The following CHSY3 variants were observed in gnomAD, a reference collection of about 807,000 sequenced individuals.
CHSY3 encodes N-acetylgalactosaminyl-proteoglycan 3-beta-glucuronosyltransferase 3.
In CHSY3, 35 loss-of-function variants were observed where a neutral mutation model predicts 67.2. The observed-to-expected ratio is 0.52, with a 90% confidence interval of 0.40 to 0.69. CHSY3 has a LOEUF of 0.69. CHSY3 is among the 30% of genes least tolerant of loss of function. The pLI, the probability that CHSY3 is intolerant of heterozygous loss-of-function variation, is 0.00. For synonymous variants in CHSY3, 474 were observed against 434.7 expected, an observed-to-expected ratio of 1.09 and a Z score of -1.12; for missense variants, 1,069 against 1,138.5, an observed-to-expected ratio of 0.94 and a Z score of 0.88.
At chr5:130,120,590 C>T (rs1227527365) in intron 2 of CHSY3, among the ~76,000 whole-genome samples, 1 of 151,986 alleles carries the variant, frequency 6.6e-6, no homozygotes, top group African/African-American at 2.4e-5. Flanking sequence ...GACTGCATCC[C>T]CCAACTACCA....
In CHSY3 at chr5:130,100,350, A is replaced by ATT. The variant is rs3065055; in HGVS notation, c.1087-83862_1087-83861dup. ...CAGGTGCCCACCACCATGCTTGGCT[A>ATT]TTTTTTTTTTTTTTTTTTGTATTTT... On this transcript the variant is annotated intron_variant, in intron 2 of 2. Coordinates refer to ENST00000305031, the MANE Select transcript of CHSY3 (RefSeq NM_175856.5). Among the ~76,000 whole-genome samples, 277 of 131,676 alleles carry ATT rather than the reference A, an allele frequency of 2.1e-3. 3 individuals are homozygous for ATT. The highest frequency in any genetic ancestry group is 6.9e-3 in the African/African-American group (250 of 36,312). The allele number at this position is 131,676 out of a possible 152,430, so 86.4% of individuals were successfully genotyped here. A position where few individuals can be genotyped will look rare whatever the true frequency, so the allele number is the denominator to read the frequency against.
At chr5:130,148,403 A>G (rs1311827771) in intron 2 of CHSY3, among the ~76,000 whole-genome samples, 4 of 152,202 alleles carry the variant, frequency 2.6e-5, no homozygotes, top group Non-Finnish European at 5.9e-5. Context: ...TCCTTTGGGT[A>G]TATACCCAGT....
intron 2 of CHSY3, among the ~76,000 whole-genome samples, chr5:130,159,374 A>C (rs752915447): frequency 6.6e-6 from 1 of 151,354 alleles, no homozygotes; most frequent in Non-Finnish European, 1.5e-5. Flanking sequence ...CATGTTGCCC[A>C]GGCTGGTCTC....
At chr5:130,102,637 A>C (rs1767284258) in intron 2 of CHSY3, among the ~76,000 whole-genome samples, 1 of 152,070 alleles carries the variant, frequency 6.6e-6, no homozygotes, top group Non-Finnish European at 1.5e-5. Context: ...ATAATATTCC[A>C]TCTGCTAGGT....
chr5:129,933,770 C>A (rs1761400357), intron 2 of CHSY3, among the ~76,000 whole-genome samples: 2 of 152,070 alleles, frequency 1.3e-5, no homozygotes, highest in African/African-American at 4.8e-5. Flanking sequence ...TAATTCTATT[C>A]TTTCATGTAA....
In CHSY3 at chr5:129,905,033, C is replaced by G. The variant is rs1187557367; in HGVS notation, c.204C>G (p.Ser68=). 1.2e-5 allele frequency: 19 copies of G among 1,558,768 alleles called. No homozygotes were observed. The highest frequency in any genetic ancestry group is 1.5e-5 in the Non-Finnish European group (17 of 1,158,894). The change falls in exon 1 of 3, where the codon TCC becomes TCG. Residue 68 remains serine, a synonymous_variant. Coordinates refer to ENST00000305031, the MANE Select transcript of CHSY3 (RefSeq NM_175856.5). ...GAQQPLPQPQ[S]RPRQEQSPPP... ...AGCAGCCGCTCCCCCAGCCCCAGTC[C>G]CGACCACGGCAGGAGCAGTCGCCGC...
intron 2 of CHSY3, among the ~76,000 whole-genome samples, chr5:130,113,930 T>C (rs1356462905): frequency 1.3e-5 from 2 of 152,190 alleles, no homozygotes; most frequent in African/African-American, 2.4e-5. Flanking sequence ...CTTTTGTCAT[T>C]GCCACCATGA....
Position 130,149,464 on chromosome 5 carries a change from C to T in CHSY3, c.1087-34765C>T, listed in dbSNP as rs534635744. Among the ~76,000 whole-genome samples the T allele has an allele frequency of 3.5e-4, 54 of 152,242 alleles. 1 individual carries two copies. Among genetic ancestry groups the T allele is most frequent in the African/African-American group, 1.3e-3 (53 of 41,534 alleles). Reference sequence around the variant, plus strand: ...AATGGGGGACGGGAGGTGCCACACACTTTAAAAGACCAGATCTTGCATGAA... The same window carrying T: ...AATGGGGGACGGGAGGTGCCACACATTTTAAAAGACCAGATCTTGCATGAA... On this transcript the variant is annotated intron_variant, in intron 2 of 2. Coordinates refer to ENST00000305031, the MANE Select transcript of CHSY3 (RefSeq NM_175856.5).
chr5:130,150,242 G>A (rs888071877), intron 2 of CHSY3, among the ~76,000 whole-genome samples: 1 of 152,006 alleles, frequency 6.6e-6, no homozygotes, highest in Non-Finnish European at 1.5e-5. Context: ...AAATAGCAAA[G>A]TTTTAGGTCT....
intron 2 of CHSY3, among the ~76,000 whole-genome samples, chr5:130,168,323 C>T (rs184358162): frequency 3.3e-5 from 5 of 152,216 alleles, no homozygotes; most frequent in African/African-American, 4.8e-5. Flanking sequence ...CTCCTACAGT[C>T]GTTTCACATC....
chr5:130,075,322 G>C lies in CHSY3; in HGVS notation c.1087-108907G>C, dbSNP rs144112019. ...ATATTTTTAAATGAACTGAGATATA[G>C]TGATAATACAATAAAGCAATATAAA... On this transcript the variant is annotated intron_variant, in intron 2 of 2. Transcript: ENST00000305031. Among the ~76,000 whole-genome samples, 479 of 152,232 alleles carry C rather than the reference G, an allele frequency of 3.1e-3. 3 individuals are homozygous for C. The highest frequency in any genetic ancestry group is 0.01 in the African/African-American group (423 of 41,540).
intron 2 of CHSY3, among the ~76,000 whole-genome samples, chr5:130,113,886 G>A (rs1003651169): frequency 6.6e-6 from 1 of 152,106 alleles, no homozygotes; most frequent in Non-Finnish European, 1.5e-5. Flanking sequence ...GAGGCAATAA[G>A]AATTAGATAA....
At chr5:130,066,318 C>T (rs541342896) in intron 2 of CHSY3, among the ~76,000 whole-genome samples, 1 of 151,898 alleles carries the variant, frequency 6.6e-6, no homozygotes, top group Non-Finnish European at 1.5e-5. Context: ...AAAATAATAC[C>T]GCATGATGAA....
At chr5:129,907,952 C>A (rs1760378101) in intron 1 of CHSY3, 125 bp from the exon 2 acceptor site, 1 of 1,436,204 alleles carries the variant, frequency 7.0e-7, no homozygotes, top group Non-Finnish European at 9.1e-7. Context: ...GAGGCTTTTT[C>A]TTCTTTTCAG....
At chr5:130,073,375 C>T (rs775120645) in intron 2 of CHSY3, among the ~76,000 whole-genome samples, 2 of 151,764 alleles carry the variant, frequency 1.3e-5, no homozygotes, top group Non-Finnish European at 2.9e-5. Context: ...GCAACCTCTG[C>T]CTCCCGGGTT....
chr5:130,163,574 G>A (rs998399108), intron 2 of CHSY3, among the ~76,000 whole-genome samples: 2 of 152,044 alleles, frequency 1.3e-5, no homozygotes, highest in African/African-American at 2.4e-5. Context: ...TATTTTTCTC[G>A]AGAAAACCTA....
At chr5:129,954,314 C>A (rs1035450932) in intron 2 of CHSY3, among the ~76,000 whole-genome samples, 1 of 152,032 alleles carries the variant, frequency 6.6e-6, no homozygotes, top group Non-Finnish European at 1.5e-5. Context: ...ATTTCTGAGG[C>A]CTCTGTTCTG....
intron 2 of CHSY3, among the ~76,000 whole-genome samples, chr5:129,998,787 G>A (rs1229823334): frequency 6.6e-6 from 1 of 151,378 alleles, no homozygotes; most frequent in African/African-American, 2.4e-5. Flanking sequence ...TTACTGATTT[G>A]TAGGAATATC....
intron 2 of CHSY3, among the ~76,000 whole-genome samples, chr5:130,159,106 T>G (rs1769452912): frequency 6.6e-6 from 1 of 150,800 alleles, no homozygotes. Flanking sequence ...AGCAGAATTT[T>G]GGTTTACTAA....
Sources: gnomAD v4.1 joint callset for allele counts (sites outside exome capture counted in the v4.1 genomes callset) on GRCh38, gnomAD v4.1.1 for gene constraint, MANE v1.5 for transcripts, NCBI Gene and HGNC (gene_info 2026-07-23, HGNC 2026-07-21) for gene names.